ARNT2: variants seen among roughly 807,000 people sequenced by gnomAD.
ARNT2 encodes the protein aryl hydrocarbon receptor nuclear translocator 2.
A neutral mutation model predicts 91.7 loss-of-function variants in ARNT2; 36 were observed. The ratio of observed to expected loss-of-function variants is 0.39; its 90% CI spans 0.30 to 0.52. ARNT2 has a LOEUF of 0.52. Ranked by LOEUF, ARNT2 falls within the 20% of genes least tolerant of loss-of-function variation. The pLI is 0.72. For missense variants in ARNT2, 775 were observed against 939.3 expected (o/e 0.83, Z 2.29); for synonymous variants, 365 against 347.1 (o/e 1.05, Z -0.57).
At chr15:80,452,283 C>T (rs564023995) in intron 2 of ARNT2, among the ~76,000 whole-genome samples, 4 of 152,334 alleles carry the variant, frequency 2.6e-5, no homozygotes, top group Admixed American at 1.3e-4. Context: ...CACTTGCACT[C>T]GCTGGGTGCT....
chr15:80,588,361 TC>T (rs1274049638), intron 17 of ARNT2, among the ~76,000 whole-genome samples: 3 of 152,084 alleles, frequency 2.0e-5, no homozygotes, highest in Non-Finnish European at 1.5e-5. Flanking sequence ...AGCAGCCTCC[TC>T]CCCTCTGGCT....
At chr15:80,548,599 T>C (rs1245023942) in intron 8 of ARNT2, among the ~76,000 whole-genome samples, 1 of 152,076 alleles carries the variant, frequency 6.6e-6, no homozygotes, top group Non-Finnish European at 1.5e-5. Flanking sequence ...ATAGCCTTCA[T>C]ATACATAAAC....
At chr15:80,463,375 T>C (rs868139749) in intron 3 of ARNT2, among the ~76,000 whole-genome samples, 1 of 142,510 alleles carries the variant, frequency 7.0e-6, no homozygotes, top group African/African-American at 2.5e-5. Context: ...CCTCCCTGCC[T>C]CTACAGTCTC....
chr15:80,542,176 A>G (rs138521771), intron 8 of ARNT2, among the ~76,000 whole-genome samples: 1 of 152,274 alleles, frequency 6.6e-6, no homozygotes, highest in Non-Finnish European at 1.5e-5. Context: ...ACAACTAAAC[A>G]TTTTTTGCCC....
chr15:80,513,886 T>TTCTA (rs770686955), intron 6 of ARNT2, 25 bp from the exon 7 acceptor site: 24 of 1,598,082 alleles, frequency 1.5e-5, no homozygotes, highest in Non-Finnish European at 2.0e-5. Context: ...TCTTTGCTCA[T>TTCTA]TCTAATACAC....
chr15:80,545,928 A>G (rs1262096439), intron 8 of ARNT2, among the ~76,000 whole-genome samples: 3 of 152,160 alleles, frequency 2.0e-5, no homozygotes, highest in Non-Finnish European at 2.9e-5. Flanking sequence ...AGCTTCTTTG[A>G]CTTCCAGAGT....
At chr15:80,534,171 G>T (rs951795650) in intron 8 of ARNT2, among the ~76,000 whole-genome samples, 1 of 152,144 alleles carries the variant, frequency 6.6e-6, no homozygotes, top group South Asian at 2.1e-4. Context: ...CTCTCAATTT[G>T]ATCATTGAGG....
chr15:80,542,629 A>G (rs372292831), intron 8 of ARNT2, among the ~76,000 whole-genome samples: 1 of 152,172 alleles, frequency 6.6e-6, no homozygotes, highest in Non-Finnish European at 1.5e-5. Context: ...ATTTATGGGT[A>G]TTTAAAAAAA....
chr15:80,560,357 G>A (rs1567001591), intron 11 of ARNT2, among the ~76,000 whole-genome samples: 1 of 152,184 alleles, frequency 6.6e-6, no homozygotes. Flanking sequence ...CAACTCCTTT[G>A]AGGCTCAGTT....
chr15:80,447,861 C>A (rs1018971091), intron 1 of ARNT2, among the ~76,000 whole-genome samples: 2 of 152,138 alleles, frequency 1.3e-5, no homozygotes, highest in African/African-American at 4.8e-5. Context: ...TATTTAGTAT[C>A]CAGAACACTT....
intron 8 of ARNT2, among the ~76,000 whole-genome samples, chr15:80,521,140 T>G (rs1327248841): frequency 6.6e-6 from 1 of 152,208 alleles, no homozygotes; most frequent in South Asian, 2.1e-4. Context: ...AGATAGACAA[T>G]TCTGATGATT....
At chr15:80,483,086 A>G (rs2141404549) in intron 5 of ARNT2, among the ~76,000 whole-genome samples, 1 of 152,310 alleles carries the variant, frequency 6.6e-6, no homozygotes, top group South Asian at 2.1e-4. Context: ...GTTTACTTGG[A>G]AGGTAAACCC....
intron 3 of ARNT2, among the ~76,000 whole-genome samples, chr15:80,469,643 G>C (rs1483447787): frequency 2.6e-5 from 4 of 151,856 alleles, no homozygotes; most frequent in Non-Finnish European, 5.9e-5. Flanking sequence ...TCCATGTACA[G>C]ATTCATGTGT....
chr15:80,519,037 A>C (rs1897488865), intron 8 of ARNT2, among the ~76,000 whole-genome samples: 1 of 152,194 alleles, frequency 6.6e-6, no homozygotes, highest in Non-Finnish European at 1.5e-5. Context: ...CACATTAATA[A>C]TACATTCATA....
intron 8 of ARNT2, among the ~76,000 whole-genome samples, chr15:80,532,881 G>C (rs75293908): frequency 0.09 from 13,746 of 152,258 alleles, 724 homozygotes; most frequent in Admixed American, 0.17. Flanking sequence ...ACTCAAATAT[G>C]GTCAAGTCTG....
intron 5 of ARNT2, among the ~76,000 whole-genome samples, chr15:80,494,730 A>C (rs909650695): frequency 2.0e-5 from 3 of 152,200 alleles, no homozygotes; most frequent in Non-Finnish European, 2.9e-5. Flanking sequence ...TCAGAGAGCC[A>C]CGAGAGCCCA....
chr15:80,556,776 G>A (rs1898198311), intron 11 of ARNT2: 1 of 152,168 alleles, frequency 6.6e-6, no homozygotes, highest in Admixed American at 6.5e-5. Flanking sequence ...GTGTAGTGAG[G>A]CTTGGTGACC....
rs1433971572 is a variant in ARNT2, at chr15:80,514,395, G to A, written c.867G>A (p.Trp289Ter). The A allele has an allele frequency of 6.2e-7, 1 of 1,614,054 alleles. No homozygotes were observed. Among genetic ancestry groups the A allele is most frequent in the Admixed American group, 1.7e-5 (1 of 60,002 alleles). Residue 289 changes from tryptophan (W) to a stop codon, truncating the protein, a stop_gained, in exon 8 of 19, where the codon TGG becomes TGA. Coordinates refer to ENST00000303329, the MANE Select transcript of ARNT2 (RefSeq NM_014862.4). LOFTEE classifies it high-confidence loss of function. ...ACTGTACAGGATACATCAAGGCCTG[G>A]CCACCAGCAGGTAAGGAGACCTGCA... ...VVHCTGYIKA[W>*]PPAGMTIPEE...
chr15:80,482,658 G>A (rs1004923939), intron 5 of ARNT2, among the ~76,000 whole-genome samples: 6 of 152,212 alleles, frequency 3.9e-5, no homozygotes, highest in Non-Finnish European at 5.9e-5. Context: ...GGGCATATGA[G>A]TGGTGAATGG....
Sources: allele counts gnomAD v4.1 joint callset (sites outside exome capture counted in the v4.1 genomes callset), GRCh38; gene constraint gnomAD v4.1.1; transcripts MANE v1.5; gene names NCBI Gene and HGNC (gene_info 2026-07-23, HGNC 2026-07-21).